The following NYAP2 variants were observed in gnomAD, a reference collection of about 807,000 sequenced individuals.
The protein encoded by NYAP2 is neuronal tyrosine-phosphorylated phosphoinositide-3-kinase adaptor 2.
NYAP2 carries 23 observed loss-of-function variants against 50.4 expected under a neutral mutation model. That is an observed-to-expected ratio of 0.46 (90% CI 0.33 to 0.65). The LOEUF is 0.65. Ranked by LOEUF, NYAP2 falls within the 30% of genes least tolerant of loss-of-function variation. NYAP2 has a pLI of 0.02. For missense variants in NYAP2, 885 were observed against 861.0 expected (o/e 1.03, Z -0.35); for synonymous variants, 394 against 365.2 (o/e 1.08, Z -0.90).
At chr2:225,653,221 C>A (rs1292593192) in exon 7 of NYAP2, 1 of 152,166 alleles carries the variant, frequency 6.6e-6, no homozygotes, top group African/African-American at 2.4e-5. Context: ...CTAATACAAT[C>A]AAGTTTTCAA....
chr2:225,434,570 G>C (rs548934414), intron 3 of NYAP2, among the ~76,000 whole-genome samples: 1 of 152,282 alleles, frequency 6.6e-6, no homozygotes, highest in Admixed American at 6.5e-5. Context: ...GTTATTAGTG[G>C]GCACTGGAAC....
intron 4 of NYAP2, among the ~76,000 whole-genome samples, chr2:225,570,616 G>A (rs1486183040): frequency 6.6e-6 from 1 of 152,104 alleles, no homozygotes; most frequent in Non-Finnish European, 1.5e-5. Flanking sequence ...AACAGCATGG[G>A]GGAAACTGCC....
the NYAP2 span, chr2:225,701,713 C>T: frequency 2.0e-5 from 3 of 151,588 alleles, no homozygotes; most frequent in African/African-American, 7.3e-5. Context: ...TAAAACAAAA[C>T]GTCCGGAGAT....
chr2:225,482,798 C>T (rs572389012), intron 3 of NYAP2, among the ~76,000 whole-genome samples: 1 of 152,132 alleles, frequency 6.6e-6, no homozygotes, highest in Admixed American at 6.6e-5. Flanking sequence ...AGCCCTACCC[C>T]AAACAAACTC....
At chr2:225,412,255 CTTTTTTTTT>C (rs560637948) in intron 3 of NYAP2, among the ~76,000 whole-genome samples, 22 of 59,152 alleles carry the variant, frequency 3.7e-4, no homozygotes, top group East Asian at 1.4e-3. Context: ...CTGCGCCCGG[CTTTTTTTTT>C]TTTTTTTTTT....
At chr2:225,406,443 C>T (rs1264299999) in intron 2 of NYAP2, among the ~76,000 whole-genome samples, 3 of 151,858 alleles carry the variant, frequency 2.0e-5, no homozygotes, top group Non-Finnish European at 2.9e-5. Flanking sequence ...CCTAAATCAA[C>T]ACTAGTCACA....
At chr2:225,669,766 G>A in the NYAP2 span, among the ~76,000 whole-genome samples, 3 of 152,142 alleles carry the variant, frequency 2.0e-5, no homozygotes, top group African/African-American at 7.2e-5. Context: ...AGTAGAAAAT[G>A]TGTAATTGTG....
At chr2:225,586,679 AT>A (rs1249858153) in intron 5 of NYAP2, among the ~76,000 whole-genome samples, 5 of 152,148 alleles carry the variant, frequency 3.3e-5, no homozygotes, top group Non-Finnish European at 5.9e-5. Context: ...ATTCATTATG[AT>A]TTTGATTTGA....
At position 225,562,682 on chromosome 2, in the gene NYAP2, T is replaced by C. The variant is rs7606647; in HGVS notation, c.524-19259T>C. ...GGCTGCACTATTCCCAATTACCTCA[T>C]GCACTTGTTCTGTATAGTTTGTACC... On this transcript the variant is annotated intron_variant, in intron 4 of 6. Transcript: ENST00000636099. Among the ~76,000 whole-genome samples, 846 of 152,240 alleles carry C rather than the reference T, an allele frequency of 5.6e-3. 5 individuals carry two copies. Among genetic ancestry groups the C allele is most frequent in the African/African-American group, 0.019 (793 of 41,538 alleles).
intron 3 of NYAP2, among the ~76,000 whole-genome samples, chr2:225,472,863 G>T (rs1474643798): frequency 6.6e-6 from 1 of 151,966 alleles, no homozygotes; most frequent in Non-Finnish European, 1.5e-5. Context: ...CAACGTGCAG[G>T]TTTGTTACAT....
intron 2 of NYAP2, among the ~76,000 whole-genome samples, chr2:225,403,725 A>G (rs969242655): frequency 6.6e-6 from 1 of 151,938 alleles, no homozygotes; most frequent in African/African-American, 2.4e-5. Flanking sequence ...TTAATAAAAG[A>G]TAAAAGGACC....
At chr2:225,666,979 G>T in the NYAP2 span, among the ~76,000 whole-genome samples, 1 of 152,034 alleles carries the variant, frequency 6.6e-6, no homozygotes, top group Non-Finnish European at 1.5e-5. Context: ...GCCAGGGTCA[G>T]ATTGGAAAGT....
Position 225,408,855 on chromosome 2 carries a change from A to G in NYAP2, c.-17-9A>G, listed in dbSNP as rs764145506. ...CTGGATAAAAGTAAAATGTGTTCTC[A>G]CCCTGCAGGCAGTGTTCCTCTTTAC... On this transcript the variant is annotated splice_polypyrimidine_tract_variant and intron_variant, in intron 2 of 6. Transcript: ENST00000636099. 8 of 1,494,138 alleles carry G rather than the reference A, an allele frequency of 5.4e-6. No homozygotes were observed. In the South Asian group the frequency reaches 9.2e-5, roughly 17 times the overall value. The allele number at this position is 1,494,138 out of a possible 1,614,324, so 92.6% of individuals were successfully genotyped here. A position where few individuals can be genotyped will look rare whatever the true frequency, so the allele number is the denominator to read the frequency against.
chr2:225,602,443 G>C (rs1022896926), intron 5 of NYAP2, among the ~76,000 whole-genome samples: 1 of 152,108 alleles, frequency 6.6e-6, no homozygotes, highest in Non-Finnish European at 1.5e-5. Flanking sequence ...CTTATCTGGG[G>C]CCTGCAGTTT....
intron 4 of NYAP2, among the ~76,000 whole-genome samples, 176 bp from the exon 5 acceptor site, chr2:225,581,765 T>C (rs952934908): frequency 6.6e-5 from 10 of 152,190 alleles, no homozygotes; most frequent in African/African-American, 2.4e-4. Flanking sequence ...GCCATCAGGT[T>C]TTCTAAATAA....
chr2:225,564,259 T>A (rs1208554004), intron 4 of NYAP2, among the ~76,000 whole-genome samples: 1 of 151,574 alleles, frequency 6.6e-6, no homozygotes, highest in African/African-American at 2.4e-5. Context: ...TTACTGTGGA[T>A]TAAATAGAAC....
At chr2:225,684,764 T>C in the NYAP2 span, among the ~76,000 whole-genome samples, 1 of 152,142 alleles carries the variant, frequency 6.6e-6, no homozygotes, top group South Asian at 2.1e-4. Flanking sequence ...TTGGTGAGGC[T>C]GGTCTCGAAC....
rs551265673 is a variant in NYAP2 at position 225,583,681 on chromosome 2, G to T, written c.1618+646G>T. ...CCTTGTTTTGGGGGCAGGGAGGTGG[G>T]GGGCGGAATTAAACATTCAAACATG... On this transcript the variant is annotated intron_variant, in intron 5 of 6. Coordinates refer to ENST00000636099, the Ensembl canonical transcript of NYAP2. 3.5e-4 allele frequency among the ~76,000 whole-genome samples: 53 copies of T among 151,950 alleles called. 1 individual carries two copies. The highest frequency in any genetic ancestry group is 6.8e-3 in the Middle Eastern group (2 of 294).
chr2:225,698,301 C>T, the NYAP2 span: 1 of 152,264 alleles, frequency 6.6e-6, no homozygotes, highest in Non-Finnish European at 1.5e-5. Context: ...TGTATTCACT[C>T]TTTCTTTTTT....
Sources: allele counts gnomAD v4.1 joint callset (sites outside exome capture counted in the v4.1 genomes callset), GRCh38; gene constraint gnomAD v4.1.1; transcripts MANE v1.5; gene names NCBI Gene and HGNC (gene_info 2026-07-23, HGNC 2026-07-21).